Variants in IQANK1 observed in about 807,000 individuals in gnomAD.
IQANK1 encodes IQ motif and ankyrin repeat containing 1, also known as IQ motif and ankyrin repeat domain-containing protein 1.
A neutral mutation model predicts 22.6 loss-of-function variants in IQANK1; 30 were observed. That is an observed-to-expected ratio of 1.33 (90% confidence interval 0.99 to 1.80). IQANK1 has a LOEUF of 1.80. Ranked by LOEUF, IQANK1 falls within the 40% of genes most tolerant of loss-of-function variation. The pLI is 0.00. For missense variants in IQANK1, 275 were observed against 235.2 expected, an observed-to-expected ratio of 1.17 and a Z score of -1.11; for synonymous variants, 122 against 99.6, an observed-to-expected ratio of 1.23 and a Z score of -1.34.
chr8:143,766,240 C>T (rs927053719), intron 3 of IQANK1, among the ~76,000 whole-genome samples: 2 of 152,214 alleles, frequency 1.3e-5, no homozygotes. Flanking sequence ...TATTGTGCTG[C>T]TGCCTTTTTT....
chr8:143,764,981 C>T (rs1187082331), intron 3 of IQANK1, among the ~76,000 whole-genome samples: 4 of 152,260 alleles, frequency 2.6e-5, no homozygotes, highest in African/African-American at 9.6e-5. Context: ...CAGATGAATC[C>T]ACTCTTACAA....
intron 7 of IQANK1, among the ~76,000 whole-genome samples, chr8:143,785,979 C>G (rs1391436015): frequency 6.6e-6 from 1 of 152,188 alleles, no homozygotes; most frequent in Non-Finnish European, 1.5e-5. Context: ...CCTGCCTCAG[C>G]CTTCCAAAGT....
intron 3 of IQANK1, among the ~76,000 whole-genome samples, chr8:143,756,549 G>A (rs1041760227): frequency 1.3e-5 from 2 of 152,112 alleles, no homozygotes; most frequent in African/African-American, 4.8e-5. Context: ...TGGTACACAC[G>A]CCCAACCTCG....
chr8:143,770,290 C>T (rs1819548456), intron 3 of IQANK1, among the ~76,000 whole-genome samples: 1 of 152,148 alleles, frequency 6.6e-6, no homozygotes, highest in African/African-American at 2.4e-5. Flanking sequence ...TCAGGATTTC[C>T]TGGGTTTTAT....
intron 3 of IQANK1, among the ~76,000 whole-genome samples, chr8:143,747,024 T>C (rs955665997): frequency 2.6e-5 from 4 of 152,024 alleles, no homozygotes; most frequent in East Asian, 1.9e-4. Flanking sequence ...GGATTACAGG[T>C]GCCCACCACC....
chr8:143,752,827 C>T (rs782636350), intron 3 of IQANK1, among the ~76,000 whole-genome samples: 1 of 152,088 alleles, frequency 6.6e-6, no homozygotes, highest in Non-Finnish European at 1.5e-5. Context: ...ACGATGTTCA[C>T]ACAATGTTGA....
chr8:143,737,762 C>T (rs1818780823), intron 2 of IQANK1, among the ~76,000 whole-genome samples: 1 of 152,166 alleles, frequency 6.6e-6, no homozygotes, highest in African/African-American at 2.4e-5. Context: ...CTGCTGCAGC[C>T]ACAGCTGCTC....
At chr8:143,748,718 C>A (rs1427289877) in intron 3 of IQANK1, among the ~76,000 whole-genome samples, 7 of 97,586 alleles carry the variant, frequency 7.2e-5, no homozygotes, top group Non-Finnish European at 1.1e-4. Context: ...AAATATATAT[C>A]ATATATATCA....
intron 3 of IQANK1, among the ~76,000 whole-genome samples, chr8:143,747,602 G>A (rs2129811954): frequency 6.6e-6 from 1 of 151,176 alleles, no homozygotes; most frequent in Non-Finnish European, 1.5e-5. Flanking sequence ...AATTTTCTTT[G>A]TGATTTCTTT....
intron 3 of IQANK1, among the ~76,000 whole-genome samples, chr8:143,751,929 AG>A (rs1262013154): frequency 0.022 from 67 of 3,004 alleles, no homozygotes; most frequent in African/African-American, 0.032. Context: ...CTTTTTTGCC[AG>A]TTTTTTTTTT....
intron 3 of IQANK1, among the ~76,000 whole-genome samples, chr8:143,757,292 C>T (rs1033329533): frequency 5.9e-5 from 9 of 151,884 alleles, no homozygotes; most frequent in South Asian, 2.1e-4. Flanking sequence ...CCTGCAGATA[C>T]GCCCGGTTTA....
chr8:143,786,373 A>T (rs1163769516), intron 7 of IQANK1, among the ~76,000 whole-genome samples: 1 of 152,138 alleles, frequency 6.6e-6, no homozygotes, highest in Non-Finnish European at 1.5e-5. Context: ...GTGAGGATCA[A>T]ATTTGCATAT....
intron 2 of IQANK1, 119 bp from the exon 3 acceptor site, chr8:143,739,740 G>C (rs1818848413): frequency 3.5e-6 from 2 of 578,926 alleles, no homozygotes; most frequent in Non-Finnish European, 6.2e-6. Context: ...GGAGGCCCGG[G>C]TGGGGGGCTC....
chr8:143,785,382 G>C (rs782661004), intron 7 of IQANK1, among the ~76,000 whole-genome samples: 5 of 144,776 alleles, frequency 3.5e-5, no homozygotes, highest in African/African-American at 1.3e-4. Flanking sequence ...TCAGCCTCCC[G>C]AGTAGCTGGG....
chr8:143,743,504 G>A (rs139266254), intron 3 of IQANK1, among the ~76,000 whole-genome samples: 1 of 152,284 alleles, frequency 6.6e-6, no homozygotes, highest in Non-Finnish European at 1.5e-5. Context: ...TTCCAGTCTG[G>A]ATTTTGCTGA....
At chr8:143,769,788 G>A (rs552561832) in intron 3 of IQANK1, among the ~76,000 whole-genome samples, 3 of 152,270 alleles carry the variant, frequency 2.0e-5, no homozygotes, top group African/African-American at 4.8e-5. Context: ...CTTTGATTTC[G>A]TCTGTCTTCT....
chr8:143,770,802 T>A (rs1426871371), intron 3 of IQANK1, among the ~76,000 whole-genome samples: 1 of 152,244 alleles, frequency 6.6e-6, no homozygotes, highest in Non-Finnish European at 1.5e-5. Flanking sequence ...GCTGGACTCT[T>A]AGAAAGCTGC....
intron 3 of IQANK1, among the ~76,000 whole-genome samples, chr8:143,748,491 TGA>T: frequency 7.6e-6 from 1 of 131,982 alleles, no homozygotes. Flanking sequence ...TAAATATAGA[TGA>T]TATATATGAT....
intron 7 of IQANK1, among the ~76,000 whole-genome samples, chr8:143,783,356 T>C (rs1259503908): frequency 6.6e-6 from 1 of 152,234 alleles, no homozygotes. Flanking sequence ...TTGAGAACTC[T>C]TAGGCATATT....
Sources: allele counts gnomAD v4.1 joint callset (sites outside exome capture counted in the v4.1 genomes callset), GRCh38; gene constraint gnomAD v4.1.1; transcripts MANE v1.5; gene names NCBI Gene and HGNC (gene_info 2026-07-23, HGNC 2026-07-21).